TBC1D22A: variants seen among roughly 807,000 people sequenced by gnomAD.
TBC1D22A encodes the protein putative GTPase activator.
Under a neutral mutation model 60.2 loss-of-function variants are expected in TBC1D22A, and 38 were observed. The observed-to-expected ratio is 0.63, with a 90% confidence interval of 0.49 to 0.83. The LOEUF is 0.83. Ranked by LOEUF, TBC1D22A falls within the 40% of genes least tolerant of loss-of-function variation. The pLI, the probability that TBC1D22A is intolerant of heterozygous loss-of-function variation, is 0.00. For synonymous variants in TBC1D22A, 302 were observed against 281.7 expected, an observed-to-expected ratio of 1.07 and a Z score of -0.72; for missense variants, 628 against 701.0, an observed-to-expected ratio of 0.90 and a Z score of 1.18.
intron 12 of TBC1D22A, among the ~76,000 whole-genome samples, chr22:47,144,950 G>A (rs1468963231): frequency 7.9e-5 from 12 of 152,254 alleles, no homozygotes; most frequent in Admixed American, 2.0e-4. Flanking sequence ...GTCTGGAGGC[G>A]GCTGAGCCGT....
intron 7 of TBC1D22A, among the ~76,000 whole-genome samples, chr22:46,898,506 T>C (rs995072179): frequency 7.2e-6 from 1 of 139,580 alleles, no homozygotes; most frequent in South Asian, 2.4e-4. Context: ...AAAACATTCA[T>C]GCCTTTGTCT....
chr22:46,912,008 T>C lies in TBC1D22A; in HGVS notation c.901-66T>C. Reference sequence around the variant, plus strand: ...ACAGTGTACATTTTAAGTAATAGAATGCTTTCATTTTAAAGTTTCTGCCAT... The same window carrying C: ...ACAGTGTACATTTTAAGTAATAGAACGCTTTCATTTTAAAGTTTCTGCCAT... On this transcript the variant is annotated intron_variant, in intron 7 of 12. Transcript: ENST00000337137. The C allele has an allele frequency of 2.9e-6, 3 of 1,018,212 alleles. No individual in the cohort carries two copies. The South Asian group carries it at 4.0e-5, about 14-fold the overall frequency. 63.1% of individuals were successfully genotyped at this position (1,018,212 alleles called of 1,614,324 possible). A position where few individuals can be genotyped will look rare whatever the true frequency, so the allele number is the denominator to read the frequency against.
chr22:47,068,490 A>G (rs139951227), intron 11 of TBC1D22A, among the ~76,000 whole-genome samples: 1 of 152,258 alleles, frequency 6.6e-6, no homozygotes, highest in Non-Finnish European at 1.5e-5. Flanking sequence ...GCAGCACCAC[A>G]GAGCACCTGC....
intron 11 of TBC1D22A, among the ~76,000 whole-genome samples, chr22:47,057,674 G>A (rs1338227473): frequency 6.6e-6 from 1 of 152,144 alleles, no homozygotes; most frequent in Non-Finnish European, 1.5e-5. Flanking sequence ...GCGTGTGCAG[G>A]GAGCCGCCCT....
At chr22:47,006,650 C>T (rs2061601175) in intron 10 of TBC1D22A, among the ~76,000 whole-genome samples, 1 of 152,214 alleles carries the variant, frequency 6.6e-6, no homozygotes, top group African/African-American at 2.4e-5. Context: ...CCTTAATCAG[C>T]TTTGCGTTTT....
intron 10 of TBC1D22A, among the ~76,000 whole-genome samples, chr22:47,011,619 T>C (rs185959764): frequency 1.8e-3 from 270 of 152,318 alleles, no homozygotes; most frequent in Non-Finnish European, 3.1e-3. Context: ...TGGCTTCACA[T>C]TGCTTCAACA....
Position 47,012,253 on chromosome 22 carries a change from G to T in TBC1D22A, c.1201+14544G>T, listed in dbSNP as rs114354540. On this transcript the variant is annotated intron_variant, in intron 10 of 12. Coordinates refer to ENST00000337137, the MANE Select transcript of TBC1D22A (RefSeq NM_014346.5). ...AGGGTGCTTTGAAATGTTTGGTTCCGCTGTGAAAAGCTGGCAAAAGTCTGA... is the reference window on the plus strand; with the variant it reads ...AGGGTGCTTTGAAATGTTTGGTTCCTCTGTGAAAAGCTGGCAAAAGTCTGA... 3.4e-3 allele frequency among the ~76,000 whole-genome samples: 519 copies of T among 152,268 alleles called. 7 individuals are homozygous for T. The highest frequency in any genetic ancestry group is 0.012 in the African/African-American group (499 of 41,546).
rs138491114 is a variant in TBC1D22A at position 47,037,084 on chromosome 22, G to A, written c.1215G>A (p.Arg405=). 2,410 of 1,613,736 alleles carry A rather than the reference G, an allele frequency of 1.5e-3. 2 individuals are homozygous for A. The highest frequency in any genetic ancestry group is 1.8e-3 in the Non-Finnish European group (2,136 of 1,179,754). ...LVSRIDEQVH[R]HLDQHEVRYL... ...TGTTTTGTGCAGAGCAAGTGCACCG[G>A]CACCTGGACCAACACGAAGTGAGAT... Residue 405 remains arginine (R), a synonymous_variant, in exon 11 of 13, where the codon CGG becomes CGA. Transcript: ENST00000337137.
chr22:47,163,546 G>A (rs76224623), intron 12 of TBC1D22A, among the ~76,000 whole-genome samples: 349 of 152,356 alleles, frequency 2.3e-3, no homozygotes, highest in African/African-American at 8.1e-3. Context: ...ACAGAAGGCA[G>A]ACGGGTGAGG....
At chr22:46,893,447 A>C (rs1569183979) in intron 6 of TBC1D22A, among the ~76,000 whole-genome samples, 1 of 152,152 alleles carries the variant, frequency 6.6e-6, no homozygotes, top group Non-Finnish European at 1.5e-5. Context: ...GGATGATGGC[A>C]GGGGTTGGGT....
intron 12 of TBC1D22A, among the ~76,000 whole-genome samples, chr22:47,139,662 C>A (rs2067006685): frequency 6.6e-6 from 1 of 152,172 alleles, no homozygotes; most frequent in African/African-American, 2.4e-5. Context: ...CTTCCAAGCC[C>A]CCTGCTTCCA....
intron 11 of TBC1D22A, among the ~76,000 whole-genome samples, chr22:47,043,545 C>T (rs2062920964): frequency 6.6e-6 from 1 of 152,182 alleles, no homozygotes; most frequent in Non-Finnish European, 1.5e-5. Flanking sequence ...CAGCAGTCAG[C>T]AAGAGTGCGA....
At chr22:47,052,998 G>A (rs898526357) in intron 11 of TBC1D22A, among the ~76,000 whole-genome samples, 5 of 152,224 alleles carry the variant, frequency 3.3e-5, no homozygotes, top group Admixed American at 6.5e-5. Context: ...CCTGCACACT[G>A]GCCTCCCTCT....
At chr22:46,900,267 T>G (rs541513578) in intron 7 of TBC1D22A, among the ~76,000 whole-genome samples, 1 of 151,324 alleles carries the variant, frequency 6.6e-6, no homozygotes, top group South Asian at 2.1e-4. Context: ...TTCTCTTGCC[T>G]CAGACTCCCG....
chr22:46,816,409 C>T (rs1369505196), intron 4 of TBC1D22A, among the ~76,000 whole-genome samples: 1 of 152,226 alleles, frequency 6.6e-6, no homozygotes, highest in Non-Finnish European at 1.5e-5. Context: ...AAAAACTGTC[C>T]TTTTCAAGAA....
chr22:46,984,695 G>A (rs558931008), intron 9 of TBC1D22A, among the ~76,000 whole-genome samples: 1 of 152,176 alleles, frequency 6.6e-6, no homozygotes, highest in African/African-American at 2.4e-5. Context: ...GAACTGTTTG[G>A]TGGCATGGAG....
chr22:46,827,475 C>T (rs2086120504), intron 4 of TBC1D22A, among the ~76,000 whole-genome samples: 2 of 152,222 alleles, frequency 1.3e-5, no homozygotes, highest in Admixed American at 6.5e-5. Context: ...AGAGCCCCTT[C>T]GGAATCTGCT....
intron 12 of TBC1D22A, 98 bp from the exon 13 acceptor site, chr22:47,173,400 C>T: frequency 6.6e-7 from 1 of 1,524,294 alleles, no homozygotes; most frequent in South Asian, 1.2e-5. Context: ...GTCACCTCCT[C>T]TGACCTGGGC....
Position 47,071,435 on chromosome 22 carries a change from C to G in TBC1D22A, c.1329+34237C>G, listed in dbSNP as rs143742510. On this transcript the variant is annotated intron_variant, in intron 11 of 12. Transcript: ENST00000337137. ...GTGGAAGTGCAGGCCCCTCTCTCCC[C>G]ACTCTGCCCTCCCAGCCACCTGAGC... Among the ~76,000 whole-genome samples the G allele has an allele frequency of 8.5e-3, 1,298 of 152,368 alleles. 8 individuals are homozygous for G. The highest frequency in any genetic ancestry group is 0.013 in the Non-Finnish European group (912 of 68,042).
Sources: allele counts gnomAD v4.1 joint callset (sites outside exome capture counted in the v4.1 genomes callset), GRCh38; gene constraint gnomAD v4.1.1; transcripts MANE v1.5; gene names NCBI Gene and HGNC (gene_info 2026-07-23, HGNC 2026-07-21).